TRAPPC11: variants seen among roughly 807,000 people sequenced by gnomAD.
The protein encoded by TRAPPC11 is trafficking protein particle complex subunit 11.
A neutral mutation model predicts 151.2 loss-of-function variants in TRAPPC11; 104 were observed. That is an observed-to-expected ratio of 0.69 (90% CI 0.59 to 0.81). The LOEUF (loss-of-function observed/expected upper bound fraction) is 0.81, where lower values mean the gene tolerates loss of function less well. Among genes scored for constraint, TRAPPC11 ranks in the 30% least tolerant of loss-of-function variants. The pLI is 0.00. For missense variants in TRAPPC11, 1,230 were observed against 1,349.6 expected (o/e 0.91, Z 1.39); for synonymous variants, 456 against 472.3 (o/e 0.97, Z 0.45).
rs1391220144 is a variant in TRAPPC11, at chr4:183,668,032, G to A, written c.475G>A (p.Ala159Thr). 32 of 1,613,192 alleles carry A rather than the reference G, an allele frequency of 2.0e-5. No individual in the cohort carries two copies. Among genetic ancestry groups the A allele is most frequent in the Non-Finnish European group, 2.6e-5 (31 of 1,179,258 alleles). Residue 159 changes from alanine to threonine, a missense_variant, in exon 5 of 30, where the codon GCA becomes ACA. Physicochemically the swap from Ala to Thr is moderately conservative, Grantham distance 58. Transcript: ENST00000334690. ...AGATGTCATTGCTTCAGAAAGGGCT[G>A]CAGCTTTATGCAATGCATGTGAACT... ...GEDVIASERA[A>T]ALCNACELSG...
chr4:183,707,803 T>A (rs1189392328), intron 28 of TRAPPC11, among the ~76,000 whole-genome samples: 1 of 152,244 alleles, frequency 6.6e-6, no homozygotes, highest in Non-Finnish European at 1.5e-5. Context: ...TGAGCTTTTT[T>A]CTTGAGTGTC....
At chr4:183,680,880 A>G (rs1425456741) in intron 10 of TRAPPC11, among the ~76,000 whole-genome samples, 1 of 151,388 alleles carries the variant, frequency 6.6e-6, no homozygotes, top group Non-Finnish European at 1.5e-5. Context: ...TTTAGTAGAG[A>G]TGGGGTTTCG....
intron 29 of TRAPPC11, among the ~76,000 whole-genome samples, chr4:183,710,379 T>C (rs1322202534): frequency 6.6e-6 from 1 of 151,814 alleles, no homozygotes; most frequent in Non-Finnish European, 1.5e-5. Context: ...CTCTGCCTCC[T>C]GGGTTCACGC....
chr4:183,703,038 A>G (rs1736878937), intron 26 of TRAPPC11, among the ~76,000 whole-genome samples: 1 of 152,334 alleles, frequency 6.6e-6, no homozygotes, highest in South Asian at 2.1e-4. Context: ...CAAAGAATAT[A>G]TGTTTAGTAT....
intron 15 of TRAPPC11, 68 bp downstream of exon 15, chr4:183,684,909 A>G: frequency 1.6e-5 from 23 of 1,468,048 alleles, no homozygotes; most frequent in Non-Finnish European, 2.1e-5. Context: ...AGCTTTTTAA[A>G]ATTTAAAGAA....
chr4:183,679,922 C>G (rs1735590299), intron 9 of TRAPPC11, among the ~76,000 whole-genome samples, 198 bp from the exon 10 acceptor site: 1 of 152,086 alleles, frequency 6.6e-6, no homozygotes, highest in Admixed American at 6.6e-5. Flanking sequence ...GAAGAGATGA[C>G]TTAAATATAG....
intron 5 of TRAPPC11, among the ~76,000 whole-genome samples, chr4:183,672,293 ACAT>A (rs1448238236): frequency 3.9e-5 from 6 of 152,188 alleles, no homozygotes; most frequent in African/African-American, 1.4e-4. Flanking sequence ...AAAAGCATGG[ACAT>A]CTGAAGTTCA....
chr4:183,666,944 GT>G, intron 3 of TRAPPC11, 115 bp from the exon 4 acceptor site: 4 of 784,026 alleles, frequency 5.1e-6, no homozygotes, highest in Non-Finnish European at 5.9e-6. Context: ...TCTGATCTTG[GT>G]TTTTTTAGTT....
At chr4:183,702,400 A>G (rs1017149909) in intron 26 of TRAPPC11, among the ~76,000 whole-genome samples, 1 of 151,950 alleles carries the variant, frequency 6.6e-6, no homozygotes, top group Admixed American at 6.6e-5. Flanking sequence ...AAAATGGGGG[A>G]AAAAAACGTA....
At chr4:183,684,506 T>C (rs1735863613) in intron 14 of TRAPPC11, 147 bp downstream of exon 14, 2 of 1,006,584 alleles carry the variant, frequency 2.0e-6, no homozygotes, top group Middle Eastern at 2.6e-4. Flanking sequence ...TTTCAAGTGC[T>C]ATTGATGGCA....
chr4:183,675,231 C>A lies in TRAPPC11; in HGVS notation c.728C>A (p.Ala243Glu). ...FSELKQDTQN[A>E]LKNYRTAYNL... ...GAGTTGAAACAAGATACACAAAATG[C>A]GCTGAAGTAAGTTAAGCTTTCAAAC... is the stretch of plus-strand genomic sequence containing the variant. Residue 243 changes from alanine to glutamate, a missense_variant, in exon 7 of 30, where the codon GCG (alanine) becomes GAG (glutamate). Transcript: ENST00000334690. The A allele has an allele frequency of 6.5e-7, 1 of 1,529,274 alleles. No individual in the cohort carries two copies. Among genetic ancestry groups the A allele is most frequent in the Non-Finnish European group, 8.8e-7 (1 of 1,134,324 alleles). The allele number at this position is 1,529,274 out of a possible 1,614,324, so 94.7% of individuals were successfully genotyped here.
At chr4:183,707,172 A>G (rs149176224) in intron 28 of TRAPPC11, among the ~76,000 whole-genome samples, 48 of 152,214 alleles carry the variant, frequency 3.2e-4, no homozygotes, top group African/African-American at 9.2e-4. Context: ...GAAGTCCACA[A>G]ATCCTTGGAC....
At chr4:183,711,239 C>T (rs186422376) in intron 29 of TRAPPC11, among the ~76,000 whole-genome samples, 34 of 152,042 alleles carry the variant, frequency 2.2e-4, no homozygotes, top group Admixed American at 3.3e-4. Flanking sequence ...CTATGCTGTC[C>T]GGTATAGCCA....
At chr4:183,661,615 C>T (rs541137889) in intron 1 of TRAPPC11, among the ~76,000 whole-genome samples, 2 of 152,072 alleles carry the variant, frequency 1.3e-5, no homozygotes, top group Admixed American at 6.6e-5. Flanking sequence ...TTGTGATCCG[C>T]CCGCCTCGGC....
At chr4:183,665,397 A>C (rs917209076) in intron 2 of TRAPPC11, among the ~76,000 whole-genome samples, 1 of 152,132 alleles carries the variant, frequency 6.6e-6, no homozygotes, top group African/African-American at 2.4e-5. Flanking sequence ...CCAGGCCTAC[A>C]TGATTATTTT....
At position 183,707,933 on chromosome 4, in the gene TRAPPC11, T is replaced by G. The variant is rs138134152; in HGVS notation, c.3190-474T>G. 2.4e-3 allele frequency among the ~76,000 whole-genome samples: 365 copies of G among 152,108 alleles called. 1 individual carries two copies. The highest frequency in any genetic ancestry group is 8.3e-3 in the African/African-American group (346 of 41,534). On this transcript the variant is annotated intron_variant, in intron 28 of 29. Coordinates refer to ENST00000334690, the MANE Select transcript of TRAPPC11 (RefSeq NM_021942.6). ...AGATTTTCAAAACATCTTTTTTTTT[T>G]CCTCCTGCAGTTACTTAACACAAAG...
At chr4:183,661,557 G>A (rs1734540704) in intron 1 of TRAPPC11, among the ~76,000 whole-genome samples, 1 of 151,360 alleles carries the variant, frequency 6.6e-6, no homozygotes, top group South Asian at 2.1e-4. Flanking sequence ...GTTTTTAGTA[G>A]AGACGGGGTT....
In TRAPPC11 at chr4:183,662,628, A is replaced by G. The variant is rs115273896; in HGVS notation, c.-21-1219A>G. ...TGGGAAATGAGACAACATAGCTACT[A>G]TTTAGATAATTACATAAATTAAAGG... On this transcript the variant is annotated intron_variant, in intron 1 of 29. Transcript: ENST00000334690. 9.6e-3 allele frequency among the ~76,000 whole-genome samples: 1,454 copies of G among 152,242 alleles called. 25 individuals carry two copies. The highest frequency in any genetic ancestry group is 0.033 in the African/African-American group (1,376 of 41,524).
intron 1 of TRAPPC11, among the ~76,000 whole-genome samples, chr4:183,661,701 A>G (rs1040993368): frequency 8.8e-5 from 13 of 148,348 alleles, no homozygotes; most frequent in Admixed American, 8.1e-4. Flanking sequence ...CTCATGACAC[A>G]TTCTTTTTCA....
Sources: allele counts gnomAD v4.1 joint callset (sites outside exome capture counted in the v4.1 genomes callset), GRCh38; gene constraint gnomAD v4.1.1; transcripts MANE v1.5; gene names NCBI Gene and HGNC (gene_info 2026-07-23, HGNC 2026-07-21).